The following CFAP251 variants were observed in gnomAD, a reference collection of about 807,000 sequenced individuals.
CFAP251 encodes the protein cilia- and flagella-associated protein 251.
CFAP251 carries 93 observed loss-of-function variants against 126.7 expected under a neutral mutation model. The observed-to-expected ratio is 0.73, with a 90% CI of 0.62 to 0.87. The LOEUF (loss-of-function observed/expected upper bound fraction) is 0.87. Among genes scored for constraint, CFAP251 ranks in the 40% least tolerant of loss-of-function variants. The pLI is 0.00. For missense variants in CFAP251, 1,287 were observed against 1,389.2 expected (o/e 0.93, Z 1.17); for synonymous variants, 503 against 506.9 (o/e 0.99, Z 0.10).
At chr12:121,968,218 C>G (rs760266041) in intron 17 of CFAP251, 49 bp downstream of exon 17, 28 of 1,543,700 alleles carry the variant, frequency 1.8e-5, no homozygotes, top group Non-Finnish European at 2.6e-6. Context: ...CTCCTTTTCA[C>G]TCAGCAACAG....
Position 121,989,434 on chromosome 12 carries a change from C to T in CFAP251, c.3007-10282C>T, listed in dbSNP as rs779359209. 6.6e-6 allele frequency among the ~76,000 whole-genome samples: 1 copy of T among 152,220 alleles called. No homozygotes were observed. Among genetic ancestry groups the T allele is most frequent in the Non-Finnish European group, 1.5e-5 (1 of 68,042 alleles). ...CCACTCCTGGAAAAAGAGGCAGTCG[C>T]CATCCAGATCTAGTTCCTGGAGGGA... On this transcript the variant is annotated intron_variant, in intron 19 of 21. Coordinates refer to ENST00000288912, the MANE Select transcript of CFAP251 (RefSeq NM_144668.6). The surrounding 1 kb of genome is among the most constrained non-coding windows in gnomAD (Gnocchi z 4.2).
intron 3 of CFAP251, among the ~76,000 whole-genome samples, chr12:121,925,890 G>A (rs2135745963): frequency 6.6e-6 from 1 of 152,182 alleles, no homozygotes; most frequent in Admixed American, 6.6e-5. Flanking sequence ...TGTCACCTAG[G>A]CTGGAGTGCA....
chr12:121,985,936 G>A (rs924151489), intron 19 of CFAP251, among the ~76,000 whole-genome samples: 5 of 152,114 alleles, frequency 3.3e-5, no homozygotes, highest in African/African-American at 1.2e-4. Context: ...TGGAAGGACC[G>A]CTTGTCCTTG....
intron 5 of CFAP251, among the ~76,000 whole-genome samples, chr12:121,935,723 A>ATT (rs1880867540): frequency 6.6e-6 from 1 of 152,178 alleles, no homozygotes; most frequent in Admixed American, 6.5e-5. Context: ...GCTCACTTCG[A>ATT]TCAAGCGTCA....
chr12:121,968,152 G>A lies in CFAP251; in HGVS notation c.2754G>A (p.Gln918=). 2 of 1,607,448 alleles carry A rather than the reference G, an allele frequency of 1.2e-6. No homozygotes were observed. The highest frequency in any genetic ancestry group is 1.7e-6 in the Non-Finnish European group (2 of 1,175,048). ...TAGGHDRSVV[Q]WKITLSVLEA... The stretch of plus-strand genomic sequence containing the variant: ...GAGGGCACGATCGCTCGGTGGTGCA[G>A]TGGAAAATCACCTTAAGGTACACGA... The change falls in exon 17 of 22, where the codon CAG becomes CAA. Residue 918 remains glutamine, a synonymous_variant. Transcript: ENST00000288912.
chr12:121,943,013 T>A, intron 7 of CFAP251, 38 bp downstream of exon 7: 1 of 1,604,672 alleles, frequency 6.2e-7, no homozygotes, highest in Non-Finnish European at 8.5e-7. Context: ...CAACCTGAAG[T>A]TATACAGGTG....
intron 19 of CFAP251, among the ~76,000 whole-genome samples, chr12:121,992,894 G>C (rs544228657): frequency 6.6e-6 from 1 of 152,202 alleles, no homozygotes; most frequent in South Asian, 2.1e-4. Flanking sequence ...CTTATGTTAT[G>C]ATTACATGTA....
intron 20 of CFAP251, 89 bp downstream of exon 20, chr12:122,000,033 T>A: frequency 3.3e-6 from 4 of 1,216,584 alleles, no homozygotes; most frequent in Non-Finnish European, 4.6e-6. Context: ...CCTGTGGAGC[T>A]CCATCTTTCA....
At position 121,934,272 on chromosome 12, in the gene CFAP251, T is replaced by C. The variant is rs1284130565; in HGVS notation, c.914T>C (p.Leu305Pro). The C allele has an allele frequency of 1.2e-6, 2 of 1,614,064 alleles. No individual in the cohort carries two copies. The highest frequency in any genetic ancestry group is 1.7e-5 in the Admixed American group (1 of 60,014). Reference protein sequence around the residue: ...LQGHANIISCLCVSEDRRWIA... With the variant: ...LQGHANIISCPCVSEDRRWIA... ...GGCCACGCCAATATTATCTCCTGCC[T>C]CTGCGTCAGTGAAGACAGGCGGTGG... Residue 305 changes from leucine (L) to proline (P), a missense_variant, in exon 5 of 22, where the codon CTC (leucine) becomes CCC (proline). Coordinates refer to ENST00000288912, the MANE Select transcript of CFAP251 (RefSeq NM_144668.6).
rs543128880 is a variant in CFAP251 at position 121,992,942 on chromosome 12, G to A, written c.3007-6774G>A. On this transcript the variant is annotated intron_variant, in intron 19 of 21. Coordinates refer to ENST00000288912, the MANE Select transcript of CFAP251 (RefSeq NM_144668.6). ...AGTGCATAGAAAAATATAATCACAA[G>A]AGCTCTCCCTCTCCCTCTCCCACTC... is the stretch of plus-strand genomic sequence containing the variant. Among the ~76,000 whole-genome samples, 26 of 148,810 alleles carry A rather than the reference G, an allele frequency of 1.7e-4. 1 individual carries two copies. The highest frequency in any genetic ancestry group is 8.0e-4 in the Admixed American group (12 of 14,918).
At chr12:121,953,425 A>T (rs1271378585) in intron 9 of CFAP251, 1 of 152,276 alleles carries the variant, frequency 6.6e-6, no homozygotes, top group Non-Finnish European at 1.5e-5. Context: ...TGACCGTGAG[A>T]GTGCTGCAAG....
At chr12:121,938,180 T>C (rs996615056) in intron 5 of CFAP251, among the ~76,000 whole-genome samples, 1 of 151,774 alleles carries the variant, frequency 6.6e-6, no homozygotes, top group Non-Finnish European at 1.5e-5. Context: ...AATTTTTTTT[T>C]TTTTCTGGTA....
rs1880286215 is a variant in CFAP251 at position 121,923,742 on chromosome 12, G to A, written c.499G>A (p.Glu167Lys). 1.2e-6 allele frequency: 2 copies of A among 1,614,042 alleles called. No individual in the cohort carries two copies. Among genetic ancestry groups the A allele is most frequent in the Non-Finnish European group, 1.7e-6 (2 of 1,180,054 alleles). Residue 167 changes from glutamate to lysine, a missense_variant, in exon 3 of 22, where the codon GAG becomes AAG. By Grantham distance (56) the Glu-to-Lys change is moderately conservative (BLOSUM62 1). Transcript: ENST00000288912. ...EFLDLDQISP[E>K]EQQISSPERQ... ...TCTTGATTTGGATCAAATCAGTCCT[G>A]AGGAACAACAGATTAGTTCCCCTGA...
At chr12:121,941,035 CTT>C (rs917982868) in intron 5 of CFAP251, among the ~76,000 whole-genome samples, 5 of 151,662 alleles carry the variant, frequency 3.3e-5, no homozygotes, top group Non-Finnish European at 7.4e-5. Flanking sequence ...ATTTTTATGT[CTT>C]TATTTTTTTT....
At chr12:121,942,510 C>T (rs1320205121) in intron 5 of CFAP251, 24 bp from the exon 6 acceptor site, 9 of 1,567,510 alleles carry the variant, frequency 5.7e-6, no homozygotes, top group South Asian at 3.4e-5. Flanking sequence ...CAGCAAGTGT[C>T]GCCCCCCTTG....
At chr12:121,969,679 C>A in intron 17 of CFAP251, 1 of 899,264 alleles carries the variant, frequency 1.1e-6, no homozygotes, top group Non-Finnish European at 1.3e-6. Flanking sequence ...TTTGTCGATA[C>A]AGAGTCACAC....
At chr12:122,001,360 T>C in intron 20 of CFAP251, 137 bp from the exon 21 acceptor site, 1 of 773,006 alleles carries the variant, frequency 1.3e-6, no homozygotes, top group Non-Finnish European at 2.1e-6. Flanking sequence ...CCAGCCTAAA[T>C]TTTTTTTTCA....
chr12:121,988,749 T>C (rs898380406), intron 19 of CFAP251, among the ~76,000 whole-genome samples: 11 of 131,856 alleles, frequency 8.3e-5, no homozygotes, highest in Non-Finnish European at 1.5e-4. Flanking sequence ...TTTTTTCTCT[T>C]TTTTTTTTTT....
chr12:121,980,428 A>ATTTT (rs1882592882), intron 19 of CFAP251, among the ~76,000 whole-genome samples: 1 of 125,088 alleles, frequency 8.0e-6, no homozygotes. Context: ...TTTTTTTTGG[A>ATTTT]GACAGGGTCT....
Sources: allele counts gnomAD v4.1 joint callset (sites outside exome capture counted in the v4.1 genomes callset), GRCh38; gene constraint gnomAD v4.1.1; non-coding constraint Gnocchi (gnomAD v3.1); transcripts MANE v1.5; gene names NCBI Gene and HGNC (gene_info 2026-07-23, HGNC 2026-07-21).